The following PRH1 variants were observed in gnomAD, a reference collection of about 807,000 sequenced individuals.
PRH1 encodes salivary acidic proline-rich phosphoprotein 1/2.
A neutral mutation model predicts 7.9 loss-of-function variants in PRH1; 7 were observed. The ratio of observed to expected loss-of-function variants is 0.89; its 90% CI spans 0.50 to 1.67. The LOEUF (loss-of-function observed/expected upper bound fraction) is 1.67. Ranked by LOEUF, PRH1 falls within the 40% of genes most tolerant of loss-of-function variation. The pLI, the probability that PRH1 is intolerant of heterozygous loss-of-function variation, is 0.00. For synonymous variants in PRH1, 45 were observed against 80.8 expected, an observed-to-expected ratio of 0.56 and a Z score of 2.38; for missense variants, 109 against 223.6, an observed-to-expected ratio of 0.49 and a Z score of 3.27.
chr12:11,012,988 C>A (rs546465128), intron 1 of PRH1, among the ~76,000 whole-genome samples: 1 of 152,180 alleles, frequency 6.6e-6, no homozygotes, highest in East Asian at 1.9e-4. Flanking sequence ...GCAAGGAGGG[C>A]CAGCTGAACT....
At chr12:11,053,744 T>C (rs1386827309) in intron 1 of PRH1, among the ~76,000 whole-genome samples, 1 of 152,262 alleles carries the variant, frequency 6.6e-6, no homozygotes, top group Non-Finnish European at 1.5e-5. Context: ...ATAATTGTGA[T>C]TCGAGTCTTC....
At chr12:11,091,587 C>T (rs1198611596) in intron 1 of PRH1, 2 of 1,341,026 alleles carry the variant, frequency 1.5e-6, no homozygotes, top group South Asian at 2.3e-5. Flanking sequence ...TCTTGAGATC[C>T]TTTACCATGG....
At chr12:11,113,253 C>G (rs367843938) in intron 1 of PRH1, among the ~76,000 whole-genome samples, 2 of 152,164 alleles carry the variant, frequency 1.3e-5, no homozygotes, top group East Asian at 3.9e-4. Flanking sequence ...CCCGTGTAGC[C>G]AAGACAATCC....
chr12:11,075,196 T>TAAAA (rs1944243073), intron 1 of PRH1, among the ~76,000 whole-genome samples: 1 of 111,288 alleles, frequency 9.0e-6, no homozygotes, highest in African/African-American at 3.1e-5. Flanking sequence ...GAAAGGATAC[T>TAAAA]AAAATATATA....
intron 2 of PRH1, among the ~76,000 whole-genome samples, chr12:10,963,502 T>C (rs1008374205): frequency 1.3e-5 from 2 of 152,210 alleles, no homozygotes; most frequent in African/African-American, 4.8e-5. Flanking sequence ...GATTTTTAAA[T>C]GTGGAAGATA....
chr12:11,049,114 G>A (rs1943030926), upstream of PRH1: 7 of 212,022 alleles, frequency 3.3e-5, no homozygotes, highest in Non-Finnish European at 6.4e-5. Flanking sequence ...AGAGCAGTGA[G>A]AAATTTGGTC....
Position 11,089,168 on chromosome 12 carries a change from T to G in PRH1, n.124-41980A>C, listed in dbSNP as rs529823446. The stretch of plus-strand genomic sequence containing the variant: ...TGTCCTATTCCCCTGGCTAGTACCT[T>G]GCCCGATCCAGGTCATCATTCCATT... On this transcript the variant is annotated intron_variant and non_coding_transcript_variant, in intron 1 of 4. Coordinates refer to the PRH1 transcript ENST00000541977. 6.1e-5 allele frequency among the ~76,000 whole-genome samples: 7 copies of G among 115,566 alleles called. 3 individuals carry two copies. Among genetic ancestry groups the G allele is most frequent in the African/African-American group, 2.0e-4 (7 of 34,428 alleles). The allele number at this position is 115,566 out of a possible 152,430, so 75.8% of individuals were successfully genotyped here. A position where few individuals can be genotyped will look rare whatever the true frequency, so the allele number is the denominator to read the frequency against.
At chr12:10,979,236 T>C (rs1939243439) in intron 1 of PRH1, among the ~76,000 whole-genome samples, 1 of 152,182 alleles carries the variant, frequency 6.6e-6, no homozygotes, top group Non-Finnish European at 1.5e-5. Flanking sequence ...CCTGCACATA[T>C]ACCTCTGAAC....
intron 1 of PRH1, among the ~76,000 whole-genome samples, chr12:11,099,049 A>G (rs1329164254): frequency 6.6e-6 from 1 of 152,130 alleles, no homozygotes; most frequent in Non-Finnish European, 1.5e-5. Flanking sequence ...ATTTATTATT[A>G]TATAAAATAT....
chr12:11,100,739 C>T (rs997356689), intron 1 of PRH1, among the ~76,000 whole-genome samples: 8 of 152,110 alleles, frequency 5.3e-5, no homozygotes, highest in Non-Finnish European at 1.0e-4. Context: ...TATTTTACTA[C>T]AGCAGTCAAA....
chr12:10,976,158 C>A (rs747979067), intron 1 of PRH1, among the ~76,000 whole-genome samples: 5 of 152,084 alleles, frequency 3.3e-5, no homozygotes, highest in Non-Finnish European at 7.4e-5. Flanking sequence ...CTAAAATGAA[C>A]CACACAATCT....
chr12:11,041,428 T>C (rs1479649259), intron 1 of PRH1, among the ~76,000 whole-genome samples: 1 of 151,808 alleles, frequency 6.6e-6, no homozygotes, highest in Non-Finnish European at 1.5e-5. Context: ...CAAAAGGATA[T>C]AGCAATTGTA....
chr12:11,131,771 T>C (rs1342793679), intron 1 of PRH1, among the ~76,000 whole-genome samples: 1 of 152,242 alleles, frequency 6.6e-6, no homozygotes, highest in African/African-American at 2.4e-5. Flanking sequence ...TCTGCTTGGA[T>C]AAGCCTGTAA....
intron 2 of PRH1, chr12:10,938,976 T>G: frequency 6.2e-7 from 1 of 1,613,362 alleles, no homozygotes; most frequent in Non-Finnish European, 8.5e-7. Context: ...ATTTTTTCAG[T>G]GGCAAATAAA....
intron 2 of PRH1, chr12:10,931,300 C>G (rs925620409): frequency 1.5e-4 from 148 of 986,962 alleles, no homozygotes; most frequent in Non-Finnish European, 2.1e-4. Context: ...CTTCAAATTA[C>G]CTCTCTTAAA....
At chr12:11,107,850 G>T (rs1209267451) in intron 1 of PRH1, among the ~76,000 whole-genome samples, 5 of 152,160 alleles carry the variant, frequency 3.3e-5, no homozygotes, top group African/African-American at 1.2e-4. Flanking sequence ...CTACCTCAAA[G>T]AATTTAATAA....
At chr12:10,976,873 T>A (rs1037365269) in intron 1 of PRH1, among the ~76,000 whole-genome samples, 1 of 151,764 alleles carries the variant, frequency 6.6e-6, no homozygotes, top group Non-Finnish European at 1.5e-5. Context: ...AAGAAGAAAT[T>A]GCATCCCTAA....
intron 1 of PRH1, among the ~76,000 whole-genome samples, chr12:11,128,687 G>A (rs752007743): frequency 6.6e-6 from 1 of 152,186 alleles, no homozygotes; most frequent in Non-Finnish European, 1.5e-5. Context: ...AGAGGTTATA[G>A]TTAGTCGAGA....
At chr12:11,022,396 A>G (rs1941696967) in intron 1 of PRH1, 4 of 1,613,158 alleles carry the variant, frequency 2.5e-6, no homozygotes, top group Non-Finnish European at 3.4e-6. Flanking sequence ...CATGACCCAG[A>G]GTAAACCAAT....
Sources: allele counts gnomAD v4.1 joint callset (sites outside exome capture counted in the v4.1 genomes callset), GRCh38; gene constraint gnomAD v4.1.1; transcripts MANE v1.5; gene names NCBI Gene and HGNC (gene_info 2026-07-23, HGNC 2026-07-21).